PDXDC1: variants seen among roughly 807,000 people sequenced by gnomAD.
The protein encoded by PDXDC1 is pyridoxal-dependent decarboxylase domain-containing protein 1.
PDXDC1 carries 42 observed loss-of-function variants against 100.1 expected under a neutral mutation model. That is an observed-to-expected ratio of 0.42 (90% CI 0.33 to 0.54). PDXDC1 has a LOEUF of 0.54. PDXDC1 is among the 20% of genes least tolerant of loss of function. PDXDC1 has a pLI of 0.10. For missense variants in PDXDC1, 636 were observed against 979.2 expected (o/e 0.65, Z 4.68); for synonymous variants, 260 against 371.7 (o/e 0.70, Z 3.46).
intron 16 of PDXDC1, among the ~76,000 whole-genome samples, chr16:15,080,296 A>G (rs1002185007): frequency 5.3e-5 from 8 of 152,220 alleles, no homozygotes; most frequent in African/African-American, 1.9e-4. Flanking sequence ...AGTAAATGAA[A>G]TTTTTAATTT....
intron 16 of PDXDC1, chr16:15,133,768 G>A (rs2048219356): frequency 8.8e-6 from 14 of 1,589,262 alleles, no homozygotes; most frequent in Non-Finnish European, 1.0e-5. Context: ...GGATCCCGCT[G>A]CTCCCCCTAA....
chr16:15,087,712 T>C (rs564749466), intron 16 of PDXDC1, among the ~76,000 whole-genome samples: 22 of 152,362 alleles, frequency 1.4e-4, no homozygotes, highest in African/African-American at 5.3e-4. Flanking sequence ...CAAAGGCATG[T>C]AGAAAACAAG....
In PDXDC1 at chr16:15,095,767, T is replaced by A. The variant is rs1264820501; in HGVS notation, c.1400-43112T>A. On this transcript the variant is annotated intron_variant, in intron 16 of 16. Coordinates refer to the PDXDC1 transcript ENST00000535621. Reference sequence around the variant, plus strand: ...TGGGAGGCCGAGGCAGGAGAATAGTTTGAACCCAGGAGGCAGAGGTTGCAG... The same window carrying A: ...TGGGAGGCCGAGGCAGGAGAATAGTATGAACCCAGGAGGCAGAGGTTGCAG... Among the ~76,000 whole-genome samples the A allele has an allele frequency of 2.0e-5, 3 of 151,760 alleles. No individual in the cohort carries two copies. The East Asian group carries it at 5.9e-4, about 30-fold the overall frequency.
intron 16 of PDXDC1, among the ~76,000 whole-genome samples, chr16:15,132,520 C>T (rs1416659900): frequency 6.6e-6 from 1 of 150,576 alleles, no homozygotes; most frequent in African/African-American, 2.5e-5. Context: ...CCTGGGTCCC[C>T]CGAGAGGCAC....
At position 15,068,242 on chromosome 16, in the gene PDXDC1, T is replaced by C; in HGVS notation, c.1399+38186T>C. ...AGGGGATTTAGCTGGCTCATCACTA[T>C]CCGCTCAAAATTCAGACTCTGAAGA... On this transcript the variant is annotated intron_variant, in intron 16 of 16. Transcript: ENST00000535621. The C allele has an allele frequency of 6.3e-7, 1 of 1,583,996 alleles. No homozygotes were observed. Among genetic ancestry groups the C allele is most frequent in the South Asian group, 1.2e-5 (1 of 85,550 alleles).
chr16:15,126,130 G>A (rs984491335), intron 16 of PDXDC1, among the ~76,000 whole-genome samples: 5 of 151,796 alleles, frequency 3.3e-5, no homozygotes, highest in East Asian at 3.9e-4. Flanking sequence ...CACCTCCCGC[G>A]TTCAGGCGAT....
chr16:15,143,758 G>A (rs1450463451), downstream of PDXDC1, among the ~76,000 whole-genome samples: 1 of 152,232 alleles, frequency 6.6e-6, no homozygotes, highest in East Asian at 1.9e-4. Flanking sequence ...ACAACAGAGG[G>A]AATGGCCCCA....
downstream of PDXDC1, among the ~76,000 whole-genome samples, chr16:15,140,803 C>A (rs749436940): frequency 6.6e-6 from 1 of 152,118 alleles, no homozygotes; most frequent in African/African-American, 2.4e-5. Flanking sequence ...CCTGGTCCCA[C>A]GCACTCCCAG....
chr16:15,022,422 A>G (rs2042274289), intron 12 of PDXDC1, among the ~76,000 whole-genome samples: 1 of 152,300 alleles, frequency 6.6e-6, no homozygotes, highest in Non-Finnish European at 1.5e-5. Flanking sequence ...GCACGTGTTT[A>G]TACTCAGTAG....
At chr16:15,073,702 C>T (rs1299911390) in intron 16 of PDXDC1, among the ~76,000 whole-genome samples, 7 of 152,124 alleles carry the variant, frequency 4.6e-5, no homozygotes, top group Admixed American at 6.6e-5. Context: ...TATATAGGCA[C>T]AAGTATGTTC....
chr16:15,025,077 T>C (rs1400267876), intron 13 of PDXDC1: 3 of 152,572 alleles, frequency 2.0e-5, no homozygotes, highest in African/African-American at 7.2e-5. Flanking sequence ...TTTTTTTGGG[T>C]GTGAGCCCAG....
chr16:15,110,651 GC>G (rs1234180228), intron 16 of PDXDC1: 8 of 1,560,136 alleles, frequency 5.1e-6, no homozygotes, highest in Non-Finnish European at 7.0e-6. Flanking sequence ...AAACCTGAGG[GC>G]AAGAAGCTGT....
At chr16:15,125,310 G>T in intron 16 of PDXDC1, 2 of 681,238 alleles carry the variant, frequency 2.9e-6, no homozygotes, top group South Asian at 1.7e-5. Context: ...CCTCGCTGGA[G>T]GGCCAGCACA....
At chr16:15,023,322 TTG>T (rs1280520877) in intron 13 of PDXDC1, among the ~76,000 whole-genome samples, 3 of 152,284 alleles carry the variant, frequency 2.0e-5, no homozygotes, top group African/African-American at 7.2e-5. Flanking sequence ...TTGAAAGTTT[TTG>T]TGTTTTGCTT....
chr16:15,032,147 A>G (rs2043106323), intron 17 of PDXDC1: 1 of 551,374 alleles, frequency 1.8e-6, no homozygotes, highest in African/African-American at 1.9e-5. Context: ...ACTCTCAGCT[A>G]CCTAGGAGAA....
intron 16 of PDXDC1, among the ~76,000 whole-genome samples, chr16:15,132,040 G>A (rs186416414): frequency 0.019 from 92 of 4,970 alleles, 1 homozygote; most frequent in South Asian, 0.031. Context: ...GGGGAAGGAG[G>A]ATAAGGGGGA....
rs763146067 is a variant in PDXDC1, at chr16:14,988,318, CGTT to C, written c.22-9432_22-9430del. Reference sequence around the variant, plus strand: ...GGCTTGGCTCCAGGCCCACAGTACTCGTTGTAGATGAGCTTGAAGAGGAAGAGG... The same window carrying C: ...GGCTTGGCTCCAGGCCCACAGTACTCGTAGATGAGCTTGAAGAGGAAGAGG... On this transcript the variant is annotated intron_variant, in intron 1 of 22. Coordinates refer to ENST00000396410, the MANE Select transcript of PDXDC1 (RefSeq NM_015027.4). The C allele has an allele frequency of 3.0e-3, 4,849 of 1,611,152 alleles. 1 individual carries two copies. Among genetic ancestry groups the C allele is most frequent in the Non-Finnish European group, 3.7e-3 (4,388 of 1,177,210 alleles).
chr16:15,128,005 C>G (rs2047838524), intron 16 of PDXDC1: 1 of 1,596,490 alleles, frequency 6.3e-7, no homozygotes, highest in East Asian at 2.2e-5. Flanking sequence ...CGGCCAGCAC[C>G]TCCTTCTCCA....
downstream of PDXDC1, among the ~76,000 whole-genome samples, chr16:15,141,383 T>G (rs2048472882): frequency 6.6e-6 from 1 of 152,140 alleles, no homozygotes; most frequent in Non-Finnish European, 1.5e-5. Context: ...CCACGGACGG[T>G]GGAGCCGAGC....
Sources: gnomAD v4.1 joint callset for allele counts (sites outside exome capture counted in the v4.1 genomes callset) on GRCh38, gnomAD v4.1.1 for gene constraint, MANE v1.5 for transcripts, NCBI Gene and HGNC (gene_info 2026-07-23, HGNC 2026-07-21) for gene names.